Variants in ANKRD11 observed in about 807,000 individuals in gnomAD.
ANKRD11 encodes the protein ankyrin repeat domain-containing protein 11.
In ANKRD11, 17 loss-of-function variants were observed where a neutral mutation model predicts 195.7. The ratio of observed to expected loss-of-function variants is 0.09; its 90% CI spans 0.06 to 0.13. The LOEUF (loss-of-function observed/expected upper bound fraction) is 0.13, where lower values mean the gene tolerates loss of function less well. Ranked by LOEUF, ANKRD11 falls within the 10% of genes least tolerant of loss-of-function variation. The probability of loss-of-function intolerance (pLI) is 1.00; values close to 1 mark genes in which losing one functional copy is unlikely to be tolerated. For missense variants in ANKRD11, 3,735 were observed against 3,566.1 expected (o/e 1.05, Z -1.21); for synonymous variants, 1,953 against 1,528.1 (o/e 1.28, Z -6.49).
At chr16:89,300,623 TAA>T (rs1272904945) in intron 4 of ANKRD11, 1 of 486,944 alleles carries the variant, frequency 2.1e-6, no homozygotes, top group African/African-American at 2.0e-5. Flanking sequence ...TACCAGTGGC[TAA>T]GTCTGTCTTC....
chr16:89,307,444 C>A (rs1174836793), intron 3 of ANKRD11, among the ~76,000 whole-genome samples: 1 of 152,120 alleles, frequency 6.6e-6, no homozygotes, highest in Non-Finnish European at 1.5e-5. Context: ...GCTCAGAGTG[C>A]AACTGGAGTC....
rs911447634 is a variant in ANKRD11, at chr16:89,282,498, C to T, written c.4044G>A (p.Glu1348=). 25 of 1,614,110 alleles carry T rather than the reference C, an allele frequency of 1.5e-5. No individual in the cohort carries two copies. The highest frequency in any genetic ancestry group is 2.1e-5 in the Non-Finnish European group (25 of 1,180,014). Residue 1348 remains glutamate (E), a synonymous_variant, in exon 9 of 13, where the codon GAG becomes GAA. Coordinates refer to ENST00000301030, the MANE Select transcript of ANKRD11 (RefSeq NM_013275.6). ...ACLPEKLKEK[E]RHRHSSSSSK... Reference sequence around the variant, plus strand: ...ATGAAGATGAGGAGTGTCTGTGCCTCTCCTTCTCTTTCAGCTTCTCAGGGA... The same window carrying T: ...ATGAAGATGAGGAGTGTCTGTGCCTTTCCTTCTCTTTCAGCTTCTCAGGGA...
chr16:89,340,212 T>C (rs1277655270), intron 2 of ANKRD11, among the ~76,000 whole-genome samples: 2 of 152,244 alleles, frequency 1.3e-5, no homozygotes, highest in Non-Finnish European at 2.9e-5. Context: ...AATGTCACAC[T>C]GTATAGTCAT....
rs74033735 is a variant in ANKRD11, at chr16:89,286,937, C to T, written c.745-751G>A. ...CATAACGTTTACTATAGACTCTTGT[C>T]GCCCACAGAATCAGTTTCCAGTTCG... is the stretch of plus-strand genomic sequence containing the variant. On this transcript the variant is annotated intron_variant, in intron 7 of 12. Transcript: ENST00000301030. 4,290 of 1,289,640 alleles carry T rather than the reference C, an allele frequency of 3.3e-3. 77 individuals carry two copies. The African/African-American group carries it at 0.048, about 15-fold the overall frequency. The allele number at this position is 1,289,640 out of a possible 1,614,324, so 79.9% of individuals were successfully genotyped here.
chr16:89,468,579 C>T (rs1020536744), intron 1 of ANKRD11, among the ~76,000 whole-genome samples: 1 of 152,120 alleles, frequency 6.6e-6, no homozygotes, highest in Non-Finnish European at 1.5e-5. Context: ...GTGGCACAGG[C>T]CTGTAATGTT....
At chr16:89,463,698 C>A (rs1378489869) in intron 1 of ANKRD11, among the ~76,000 whole-genome samples, 2 of 151,244 alleles carry the variant, frequency 1.3e-5, no homozygotes, top group African/African-American at 4.9e-5. Context: ...AAAAAAAAAG[C>A]CTCACACTGG....
At chr16:89,344,276 C>A (rs1302457065) in intron 2 of ANKRD11, among the ~76,000 whole-genome samples, 1 of 152,156 alleles carries the variant, frequency 6.6e-6, no homozygotes, top group East Asian at 1.9e-4. Flanking sequence ...TTATTTGGAG[C>A]CTCTAACGAG....
chr16:89,392,376 T>A (rs2041237179), intron 2 of ANKRD11: 1 of 152,338 alleles, frequency 6.6e-6, no homozygotes, highest in Non-Finnish European at 1.5e-5. Context: ...CTAAAATTCA[T>A]TACCTGTATA....
chr16:89,365,024 T>C (rs942211107), intron 2 of ANKRD11, among the ~76,000 whole-genome samples: 6 of 152,244 alleles, frequency 3.9e-5, no homozygotes, highest in African/African-American at 7.2e-5. Context: ...TGGAGGATGC[T>C]ATGAATTCTG....
intron 1 of ANKRD11, among the ~76,000 whole-genome samples, chr16:89,431,021 C>T (rs1406584324): frequency 1.3e-5 from 2 of 152,096 alleles, no homozygotes; most frequent in African/African-American, 4.8e-5. Flanking sequence ...CTTCCTAAGA[C>T]CAAGGCGCTG....
At chr16:89,369,853 G>A (rs1403947291) in intron 2 of ANKRD11, among the ~76,000 whole-genome samples, 1 of 152,224 alleles carries the variant, frequency 6.6e-6, no homozygotes, top group Non-Finnish European at 1.5e-5. Context: ...GCTTGGCAAT[G>A]TGTACAAGGG....
chr16:89,280,819 G>T lies in ANKRD11; in HGVS notation c.5723C>A (p.Pro1908His). The change falls in exon 9 of 13, where the codon CCC (proline) becomes CAC (histidine). Residue 1908 changes from proline (P) to histidine (H), a missense_variant. Pro to His is a moderately conservative substitution (Grantham distance 77). Transcript: ENST00000301030. ...LLVPSLEGAL[P>H]PDLDTSEDQQ... ...GTCCTCGGAGGTGTCCAGGTCCGGG[G>T]GAAGGGCCCCTTCGAGGGAAGGAAC... 6.2e-7 allele frequency: 1 copy of T among 1,602,948 alleles called. No individual in the cohort carries two copies. Among genetic ancestry groups the T allele is most frequent in the Non-Finnish European group, 8.5e-7 (1 of 1,171,552 alleles).
intron 2 of ANKRD11, among the ~76,000 whole-genome samples, chr16:89,399,793 T>C (rs1395690802): frequency 1.2e-5 from 1 of 83,598 alleles, no homozygotes; most frequent in East Asian, 3.6e-4. Context: ...AAAGCTAATA[T>C]AAAAAATAAA....
chr16:89,337,865 T>C (rs2038453133), intron 2 of ANKRD11, among the ~76,000 whole-genome samples: 1 of 152,212 alleles, frequency 6.6e-6, no homozygotes, highest in Non-Finnish European at 1.5e-5. Context: ...TGTTCTCTAA[T>C]GGTGTGGTCT....
chr16:89,311,965 T>C (rs2151901196), intron 3 of ANKRD11, among the ~76,000 whole-genome samples: 1 of 152,310 alleles, frequency 6.6e-6, no homozygotes, highest in Non-Finnish European at 1.5e-5. Flanking sequence ...TGATGCGATC[T>C]CAGCTCACTG....
At chr16:89,273,941 T>C (rs549192921) in intron 11 of ANKRD11, among the ~76,000 whole-genome samples, 3 of 152,170 alleles carry the variant, frequency 2.0e-5, no homozygotes, top group Admixed American at 6.5e-5. Flanking sequence ...AAGGCAGGAA[T>C]GTGTTCCAGG....
At chr16:89,275,019 C>T in intron 10 of ANKRD11, 62 bp from the exon 11 acceptor site, 2 of 1,611,718 alleles carry the variant, frequency 1.2e-6, no homozygotes, top group South Asian at 2.2e-5. Flanking sequence ...CCACTGTCAA[C>T]ACGACAGCCC....
At chr16:89,397,298 C>A (rs781132838) in intron 2 of ANKRD11, among the ~76,000 whole-genome samples, 3 of 152,228 alleles carry the variant, frequency 2.0e-5, no homozygotes, top group Non-Finnish European at 4.4e-5. Context: ...CCCCTCAGGG[C>A]AAGGCCTCTC....
At chr16:89,278,403 C>T (rs2033843143) in intron 9 of ANKRD11, 31 of 406,136 alleles carry the variant, frequency 7.6e-5, no homozygotes, top group South Asian at 5.3e-4. Context: ...CAGAGCAGGG[C>T]CCCATTTGGA....
Sources: gnomAD v4.1 joint callset for allele counts (sites outside exome capture counted in the v4.1 genomes callset) on GRCh38, gnomAD v4.1.1 for gene constraint, MANE v1.5 for transcripts, NCBI Gene and HGNC (gene_info 2026-07-23, HGNC 2026-07-21) for gene names.